EIF3M: variants seen among roughly 807,000 people sequenced by gnomAD.
EIF3M encodes eukaryotic translation initiation factor 3 subunit M, also known as B5 receptor.
EIF3M carries 25 observed loss-of-function variants against 49.7 expected under a neutral mutation model. The ratio of observed to expected loss-of-function variants is 0.50; its 90% CI spans 0.37 to 0.70. The LOEUF (loss-of-function observed/expected upper bound fraction) is 0.70. EIF3M is among the 30% of genes least tolerant of loss of function. The pLI, the probability that EIF3M is intolerant of heterozygous loss-of-function variation, is 0.00. For missense variants in EIF3M, 350 were observed against 440.0 expected (o/e 0.80, Z 1.83); for synonymous variants, 156 against 149.8 (o/e 1.04, Z -0.30).
intron 1 of EIF3M, 181 bp downstream of exon 1, chr11:32,584,110 G>A (rs113643441): frequency 2.6e-6 from 2 of 766,042 alleles, no homozygotes; most frequent in Non-Finnish European, 4.1e-6. Context: ...CCAGCTCGCC[G>A]GCCGGCGGTC....
At chr11:32,601,573 C>A in intron 9 of EIF3M, 189 bp from the exon 10 acceptor site, 1 of 493,300 alleles carries the variant, frequency 2.0e-6, no homozygotes. Context: ...GTCCCAGCAG[C>A]CATAGGACAA....
At chr11:32,599,624 A>G (rs1487392510) in intron 8 of EIF3M, among the ~76,000 whole-genome samples, 2 of 152,036 alleles carry the variant, frequency 1.3e-5, no homozygotes, top group Non-Finnish European at 1.5e-5. Context: ...TCAAAAGTTC[A>G]GAGAAAAGGA....
intron 2 of EIF3M, among the ~76,000 whole-genome samples, chr11:32,588,217 C>T (rs576466650): frequency 1.6e-3 from 240 of 151,962 alleles, no homozygotes; most frequent in African/African-American, 5.2e-3. Context: ...GGTGAAACCC[C>T]GTCTCTACTA....
Position 32,588,637 on chromosome 11 carries a change from C to A in EIF3M, c.219C>A (p.Ile73=). The change falls in exon 3 of 11, where the codon ATC becomes ATA. Residue 73 remains isoleucine, a synonymous_variant. Coordinates refer to ENST00000531120, the MANE Select transcript of EIF3M (RefSeq NM_006360.6). ...VMNSVVSLLL[I]LEPDKQEALI... is the part of the protein sequence containing the mutation. ...ACAGTGTGGTATCCCTACTCTTGAT[C>A]CTGGAACCAGACAAGCAAGAAGCTT... 2 of 1,614,156 alleles carry A rather than the reference C, an allele frequency of 1.2e-6. No individual in the cohort carries two copies. The highest frequency in any genetic ancestry group is 1.7e-6 in the Non-Finnish European group (2 of 1,180,028).
At chr11:32,594,065 T>A in intron 6 of EIF3M, 116 bp downstream of exon 6, 1 of 586,478 alleles carries the variant, frequency 1.7e-6, no homozygotes, top group Non-Finnish European at 2.7e-6. Flanking sequence ...AGCCATTTGA[T>A]AGTGTGTATT....
chr11:32,588,140 C>T (rs919708939), intron 2 of EIF3M, among the ~76,000 whole-genome samples: 1 of 152,050 alleles, frequency 6.6e-6, no homozygotes, highest in African/African-American at 2.4e-5. Context: ...CCTGTAATCC[C>T]AGCACTTTGG....
In EIF3M at chr11:32,600,944, A is replaced by G. The variant is rs1156895725; in HGVS notation, c.943+112A>G. ...CCTTACACAACAAAGATTTGTTTAT[A>G]GCAGATGTGTATTTAGTAGATTAGT... On this transcript the variant is annotated intron_variant, in intron 9 of 10. Coordinates refer to ENST00000531120, the MANE Select transcript of EIF3M (RefSeq NM_006360.6). 9 of 1,372,134 alleles carry G rather than the reference A, an allele frequency of 6.6e-6. No individual in the cohort carries two copies. In the African/African-American group the frequency reaches 1.0e-4, roughly 16 times the overall value. 85.0% of individuals were successfully genotyped at this position (1,372,134 alleles called of 1,614,324 possible). A position where few individuals can be genotyped will look rare whatever the true frequency, so the allele number is the denominator to read the frequency against.
At chr11:32,601,501 T>TTA (rs1387611960) in intron 9 of EIF3M, 75 of 217,256 alleles carry the variant, frequency 3.5e-4, no homozygotes, top group Non-Finnish European at 5.1e-4. Context: ...TAGCATTCTT[T>TTA]AAAAAAAAAA....
At chr11:32,586,002 C>A (rs375489338) in intron 1 of EIF3M, among the ~76,000 whole-genome samples, 1 of 152,130 alleles carries the variant, frequency 6.6e-6, no homozygotes, top group South Asian at 2.1e-4. Flanking sequence ...GGCCGAGGCC[C>A]GTGGATCACC....
At chr11:32,587,565 C>A (rs542623174) in intron 2 of EIF3M, among the ~76,000 whole-genome samples, 1 of 152,262 alleles carries the variant, frequency 6.6e-6, no homozygotes, top group Non-Finnish European at 1.5e-5. Flanking sequence ...ATAAAGTAAA[C>A]CTATTTTGAG....
intron 5 of EIF3M, chr11:32,591,827 C>T: frequency 4.2e-6 from 1 of 239,322 alleles, no homozygotes; most frequent in South Asian, 6.4e-5. Context: ...ATAGAGACTG[C>T]CCAAGCTTTA....
intron 5 of EIF3M, chr11:32,592,870 A>G: frequency 3.4e-6 from 1 of 293,066 alleles, no homozygotes; most frequent in Non-Finnish European, 6.6e-6. Context: ...CACAGGTGCA[A>G]TTGTAGTGCA....
Position 32,588,698 on chromosome 11 carries a change from C to T in EIF3M, c.280C>T (p.Arg94Cys), listed in dbSNP as rs140524517. Residue 94 changes from arginine to cysteine, a missense_variant, in exon 3 of 11, where the codon CGC becomes TGC. By Grantham distance (180) the Arg-to-Cys change is radical (BLOSUM62 -3). Transcript: ENST00000531120. Reference protein sequence around the residue: ...ESLCEKLVKFREGERPSLRLQ... With the variant: ...ESLCEKLVKFCEGERPSLRLQ... ...CCTATGTGAAAAGCTGGTCAAATTT[C>T]GCGAAGGTGAACGCCCGTCTCTGAG... 9.3e-6 allele frequency: 15 copies of T among 1,614,050 alleles called. No homozygotes were observed. The highest frequency in any genetic ancestry group is 1.2e-5 in the Non-Finnish European group (14 of 1,180,034).
chr11:32,587,098 T>G lies in EIF3M; in HGVS notation c.129T>G (p.Ala43=). The change falls in exon 2 of 11, where the codon GCT becomes GCG. Residue 43 remains alanine (A), a synonymous_variant. Coordinates refer to ENST00000531120, the MANE Select transcript of EIF3M (RefSeq NM_006360.6). ...NSEGGLHVDL[A]QIIEACDVCL... ...AAGGTGGACTTCATGTTGATTTAGC[T>G]CAAATTATTGAAGCCTGTGATGTGT... 1 of 1,612,788 alleles carries G rather than the reference T, an allele frequency of 6.2e-7. No individual in the cohort carries two copies. The highest frequency in any genetic ancestry group is 8.5e-7 in the Non-Finnish European group (1 of 1,178,974).
rs531375315 is a variant in EIF3M, at chr11:32,602,871, G to A, written c.*472G>A. On this transcript the variant is annotated 3_prime_UTR_variant, in exon 11 of 11. Coordinates refer to ENST00000531120, the MANE Select transcript of EIF3M (RefSeq NM_006360.6). ...CTGCTTTTCTTTTCTTTGGCTGGTTGTCATTTTCTAAACTTAGTAAATTTT... is the reference window on the plus strand; with the variant it reads ...CTGCTTTTCTTTTCTTTGGCTGGTTATCATTTTCTAAACTTAGTAAATTTT... 1.2e-6 allele frequency: 2 copies of A among 1,610,914 alleles called. No homozygotes were observed. Among genetic ancestry groups the A allele is most frequent in the Non-Finnish European group, 1.7e-6 (2 of 1,178,966 alleles).
intron 8 of EIF3M, among the ~76,000 whole-genome samples, chr11:32,599,649 A>T (rs1225420860): frequency 6.6e-6 from 1 of 152,010 alleles, no homozygotes; most frequent in Non-Finnish European, 1.5e-5. Context: ...GTAAATCTAG[A>T]TTAGTTTTAG....
chr11:32,591,391 A>G (rs1855100836), intron 5 of EIF3M, among the ~76,000 whole-genome samples: 1 of 152,178 alleles, frequency 6.6e-6, no homozygotes, highest in Non-Finnish European at 1.5e-5. Context: ...TATACTTTTT[A>G]ATTTTAATTT....
Position 32,602,910 on chromosome 11 carries a change from T to C in EIF3M, c.*511T>C, listed in dbSNP as rs781455457. ...TTAGTAAATTTTCACTTTTATTTAG[T>C]TGATTCGTAATGAGGCTCTGCCAGT... is the stretch of plus-strand genomic sequence containing the variant. On this transcript the variant is annotated 3_prime_UTR_variant, in exon 11 of 11. Coordinates refer to ENST00000531120, the MANE Select transcript of EIF3M (RefSeq NM_006360.6). 6.2e-7 allele frequency: 1 copy of C among 1,612,670 alleles called. No homozygotes were observed.
At chr11:32,591,775 T>C in intron 5 of EIF3M, 1 of 211,842 alleles carries the variant, frequency 4.7e-6, no homozygotes, top group Non-Finnish European at 1.0e-5. Context: ...CTGTAGCCCT[T>C]TTCTGCTGTT....
Sources: allele counts gnomAD v4.1 joint callset (sites outside exome capture counted in the v4.1 genomes callset), GRCh38; gene constraint gnomAD v4.1.1; transcripts MANE v1.5; gene names NCBI Gene and HGNC (gene_info 2026-07-23, HGNC 2026-07-21).